CEP70: variants seen among roughly 807,000 people sequenced by gnomAD.
CEP70 encodes the protein centrosomal protein of 70 kDa.
CEP70 carries 70 observed loss-of-function variants against 90.9 expected under a neutral mutation model. The observed-to-expected ratio is 0.77, with a 90% CI of 0.64 to 0.94. CEP70 has a LOEUF of 0.94. Among genes scored for constraint, CEP70 ranks in the 40% least tolerant of loss-of-function variants. CEP70 has a pLI of 0.00. For synonymous variants in CEP70, 220 were observed against 228.3 expected (o/e 0.96, Z 0.33); for missense variants, 648 against 669.0 (o/e 0.97, Z 0.35).
chr3:138,525,845 A>G (rs2037177456), intron 10 of CEP70, among the ~76,000 whole-genome samples: 1 of 152,228 alleles, frequency 6.6e-6, no homozygotes, highest in African/African-American at 2.4e-5. Context: ...AGAGAACATT[A>G]TAACAAATCC....
At chr3:138,536,142 T>A (rs1435592232) in intron 7 of CEP70, among the ~76,000 whole-genome samples, 2 of 152,024 alleles carry the variant, frequency 1.3e-5, no homozygotes, top group African/African-American at 4.8e-5. Context: ...TAAAATGCAA[T>A]CAGTTTAAAC....
At chr3:138,495,173 A>G (rs973268800) in intron 17 of CEP70, 97 bp from the exon 18 acceptor site, 44 of 664,482 alleles carry the variant, frequency 6.6e-5, no homozygotes, top group Non-Finnish European at 1.1e-4. Context: ...AACCCCAAAC[A>G]TAAAGGCAAT....
intron 6 of CEP70, 65 bp from the exon 7 acceptor site, chr3:138,537,412 A>G: frequency 2.8e-6 from 3 of 1,071,468 alleles, no homozygotes; most frequent in Non-Finnish European, 3.9e-6. Context: ...TCCTAACAGT[A>G]TTGTACACAA....
intron 2 of CEP70, among the ~76,000 whole-genome samples, chr3:138,580,514 C>T (rs2041797095): frequency 1.3e-5 from 2 of 152,142 alleles, no homozygotes; most frequent in Admixed American, 6.5e-5. Context: ...ACTGAGATCA[C>T]AACACTCAAG....
intron 6 of CEP70, among the ~76,000 whole-genome samples, chr3:138,550,610 G>A (rs372189918): frequency 7.9e-5 from 12 of 152,164 alleles, no homozygotes; most frequent in Admixed American, 1.3e-4. Flanking sequence ...TGATCTGCCC[G>A]CCTCAGCCTC....
intron 6 of CEP70, among the ~76,000 whole-genome samples, chr3:138,548,272 C>G (rs1020613756): frequency 6.6e-6 from 1 of 152,088 alleles, no homozygotes; most frequent in African/African-American, 2.4e-5. Context: ...AGGAAAAAAG[C>G]CATATAATCA....
chr3:138,542,691 G>T (rs78385385), intron 6 of CEP70, among the ~76,000 whole-genome samples: 1 of 152,192 alleles, frequency 6.6e-6, no homozygotes, highest in Non-Finnish European at 1.5e-5. Flanking sequence ...CTTCACTCAC[G>T]CAGTTTGTCT....
At chr3:138,586,151 G>A (rs1341248874) in intron 2 of CEP70, among the ~76,000 whole-genome samples, 1 of 152,136 alleles carries the variant, frequency 6.6e-6, no homozygotes, top group Non-Finnish European at 1.5e-5. Flanking sequence ...TAGCCAGGAT[G>A]TATAAGGATC....
At chr3:138,506,477 G>A (rs940382512) in intron 12 of CEP70, among the ~76,000 whole-genome samples, 3 of 152,102 alleles carry the variant, frequency 2.0e-5, no homozygotes, top group African/African-American at 7.2e-5. Flanking sequence ...AAAAAAGGGA[G>A]ACCTCAAAAA....
At chr3:138,572,119 A>G (rs1388547158) in intron 3 of CEP70, among the ~76,000 whole-genome samples, 1 of 152,170 alleles carries the variant, frequency 6.6e-6, no homozygotes, top group Non-Finnish European at 1.5e-5. Context: ...CAAAAAAATC[A>G]AAACATACCT....
chr3:138,559,061 A>T, intron 6 of CEP70, among the ~76,000 whole-genome samples: 1 of 152,330 alleles, frequency 6.6e-6, no homozygotes, highest in African/African-American at 2.4e-5. Context: ...AAATAAGTAA[A>T]TTTAATATAT....
At chr3:138,496,370 C>T (rs934243857) in intron 17 of CEP70, 5 of 985,310 alleles carry the variant, frequency 5.1e-6, no homozygotes, top group African/African-American at 1.7e-5. Flanking sequence ...ACTAACAAAG[C>T]ATCAAGATAT....
At chr3:138,591,199 T>A (rs1364257371) in intron 2 of CEP70, among the ~76,000 whole-genome samples, 1 of 152,186 alleles carries the variant, frequency 6.6e-6, no homozygotes, top group Non-Finnish European at 1.5e-5. Context: ...CCTGACCTTA[T>A]GTGACAGGTC....
At position 138,581,596 on chromosome 3, in the gene CEP70, G is replaced by A. The variant is rs569035392; in HGVS notation, c.-5-8664C>T. ...CACACGCATGTAATCCCAGGTATGC[G>A]GGAGACTGAGGCACAAGAATCGCCT... On this transcript the variant is annotated intron_variant, in intron 2 of 17. Coordinates refer to ENST00000264982, the MANE Select transcript of CEP70 (RefSeq NM_024491.4). 1.1e-4 allele frequency among the ~76,000 whole-genome samples: 16 copies of A among 151,114 alleles called. No individual in the cohort carries two copies. The East Asian group carries it at 1.6e-3, about 15-fold the overall frequency.
intron 13 of CEP70, among the ~76,000 whole-genome samples, chr3:138,503,964 T>A: frequency 6.6e-6 from 1 of 152,226 alleles, no homozygotes; most frequent in Non-Finnish European, 1.5e-5. Context: ...CATCCCATAA[T>A]GGCTTAGCAT....
intron 6 of CEP70, among the ~76,000 whole-genome samples, chr3:138,546,662 T>C (rs1021612910): frequency 1.4e-4 from 21 of 152,126 alleles, no homozygotes; most frequent in African/African-American, 5.1e-4. Flanking sequence ...GGCACAAGAA[T>C]TGCTTGAACC....
chr3:138,555,176 T>C (rs2039909657), intron 6 of CEP70, among the ~76,000 whole-genome samples: 1 of 145,226 alleles, frequency 6.9e-6, no homozygotes, highest in Non-Finnish European at 1.5e-5. Flanking sequence ...TTCTACCCAG[T>C]AGGGGGAGGT....
intron 6 of CEP70, among the ~76,000 whole-genome samples, chr3:138,550,521 G>T (rs372195679): frequency 6.6e-6 from 1 of 152,072 alleles, no homozygotes; most frequent in Admixed American, 6.6e-5. Flanking sequence ...GTGCCACCAC[G>T]CTTGGCTAAT....
intron 2 of CEP70, among the ~76,000 whole-genome samples, chr3:138,589,205 A>T (rs2042252926): frequency 6.6e-6 from 1 of 152,202 alleles, no homozygotes; most frequent in Non-Finnish European, 1.5e-5. Flanking sequence ...TATATTAAAT[A>T]TATCAATAAA....
Sources: gnomAD v4.1 joint callset for allele counts (sites outside exome capture counted in the v4.1 genomes callset) on GRCh38, gnomAD v4.1.1 for gene constraint, MANE v1.5 for transcripts, NCBI Gene and HGNC (gene_info 2026-07-23, HGNC 2026-07-21) for gene names.